The following CCDC102B variants were observed in gnomAD, a reference collection of about 807,000 sequenced individuals.
CCDC102B encodes coiled-coil domain-containing protein 102B.
CCDC102B carries 75 observed loss-of-function variants against 57.4 expected under a neutral mutation model. The ratio of observed to expected loss-of-function variants is 1.31; its 90% CI spans 1.08 to 1.58. The LOEUF is 1.58. Ranked by LOEUF, CCDC102B falls within the 40% of genes most tolerant of loss-of-function variation. The pLI, the probability that CCDC102B is intolerant of heterozygous loss-of-function variation, is 0.00. For missense variants in CCDC102B, 636 were observed against 582.6 expected (o/e 1.09, Z -0.94); for synonymous variants, 206 against 201.9 (o/e 1.02, Z -0.17).
intron 2 of CCDC102B, among the ~76,000 whole-genome samples, chr18:68,750,604 G>A (rs566379726): frequency 6.6e-6 from 1 of 152,068 alleles, no homozygotes; most frequent in South Asian, 2.1e-4. Flanking sequence ...ATACATCATG[G>A]AATACCATGC....
In CCDC102B at chr18:68,799,604, T is replaced by C. The variant is rs140861877; in HGVS notation, c.-16+1423T>C. Among the ~76,000 whole-genome samples the C allele has an allele frequency of 2.4e-3, 360 of 152,260 alleles. 1 individual carries two copies. The highest frequency in any genetic ancestry group is 7.0e-3 in the African/African-American group (291 of 41,554). ...CCATAATGCCAAAATATTCAGAAAT[T>C]CCCTTTTTAGCAGGTATGTGAGTCC... is the stretch of plus-strand genomic sequence containing the variant. On this transcript the variant is annotated intron_variant, in intron 1 of 7. Coordinates refer to ENST00000360242, the MANE Select transcript of CCDC102B (RefSeq NM_024781.3).
chr18:69,010,923 T>A lies in CCDC102B; in HGVS notation c.1264-11T>A, dbSNP rs765068533. The A allele has an allele frequency of 6.4e-7, 1 of 1,556,766 alleles. No homozygotes were observed. Among genetic ancestry groups the A allele is most frequent in the Admixed American group, 1.9e-5 (1 of 52,324 alleles). On this transcript the variant is annotated splice_polypyrimidine_tract_variant and intron_variant, in intron 6 of 7. Transcript: ENST00000360242. ...ACTATAAATAATGTAATTTTTGTTT[T>A]CCTTTGAAAGGAATTACTGAACCTT...
chr18:68,839,567 G>A (rs746012722), intron 3 of CCDC102B, among the ~76,000 whole-genome samples: 18 of 152,138 alleles, frequency 1.2e-4, no homozygotes, highest in African/African-American at 3.9e-4. Flanking sequence ...CAAGAATCGC[G>A]AGCATGGCTT....
chr18:68,879,064 G>C (rs989777723), intron 5 of CCDC102B, among the ~76,000 whole-genome samples: 14 of 152,148 alleles, frequency 9.2e-5, no homozygotes, highest in East Asian at 7.8e-4. Context: ...GACCTTCGCG[G>C]TGAGTGTTAC....
chr18:68,780,470 G>GT (rs35742450), intron 2 of CCDC102B, among the ~76,000 whole-genome samples: 7,863 of 139,792 alleles, frequency 0.056, 260 homozygotes, highest in Non-Finnish European at 0.075. Flanking sequence ...ATCAACACTT[G>GT]TTTTTTTTTT....
At chr18:68,922,667 T>G (rs2041323404) in intron 6 of CCDC102B, among the ~76,000 whole-genome samples, 1 of 152,056 alleles carries the variant, frequency 6.6e-6, no homozygotes, top group Admixed American at 6.6e-5. Context: ...AAGCCTCAGG[T>G]GTTCCCTCTT....
At chr18:68,800,709 C>T (rs1001431662) in intron 1 of CCDC102B, among the ~76,000 whole-genome samples, 1 of 151,930 alleles carries the variant, frequency 6.6e-6, no homozygotes, top group South Asian at 2.1e-4. Flanking sequence ...GAACACTCAG[C>T]GACCAAATAC....
At chr18:68,801,925 A>G (rs889364067) in intron 1 of CCDC102B, among the ~76,000 whole-genome samples, 23 of 152,140 alleles carry the variant, frequency 1.5e-4, no homozygotes, top group African/African-American at 5.3e-4. Flanking sequence ...TAGTCAGCCT[A>G]TATTCATGAA....
intron 2 of CCDC102B, among the ~76,000 whole-genome samples, chr18:68,775,682 T>C (rs1316186365): frequency 7.9e-6 from 1 of 126,760 alleles, no homozygotes; most frequent in African/African-American, 3.2e-5. Context: ...TTTTAAGGAG[T>C]CTTGCTCTGT....
chr18:68,983,586 C>G (rs1280002560), intron 6 of CCDC102B, among the ~76,000 whole-genome samples: 3 of 151,678 alleles, frequency 2.0e-5, no homozygotes, highest in African/African-American at 7.3e-5. Context: ...AGTAACAATC[C>G]CCTATGTTCA....
At chr18:68,949,856 G>A (rs2145193136) in intron 6 of CCDC102B, among the ~76,000 whole-genome samples, 1 of 152,184 alleles carries the variant, frequency 6.6e-6, no homozygotes, top group South Asian at 2.1e-4. Flanking sequence ...TTATGAAATT[G>A]TGGCTAATAA....
At position 68,991,123 on chromosome 18, in the gene CCDC102B, C is replaced by CTTTTTT. The variant is rs11368924; in HGVS notation, c.1264-19801_1264-19796dup. ...GTTGTCACCTATATTGGCCCTTCTGCTTTTTTTTTTTTTTTCTTAAATAAA... is the reference window on the plus strand; with the variant it reads ...GTTGTCACCTATATTGGCCCTTCTGCTTTTTTTTTTTTTTTTTTTTTCTTAAATAAA... On this transcript the variant is annotated intron_variant, in intron 6 of 7. Coordinates refer to ENST00000360242, the MANE Select transcript of CCDC102B (RefSeq NM_024781.3). Among the ~76,000 whole-genome samples, 6 of 136,266 alleles carry CTTTTTT rather than the reference C, an allele frequency of 4.4e-5. 1 individual carries two copies. The highest frequency in any genetic ancestry group is 1.5e-4 in the Admixed American group (2 of 13,306). 89.4% of individuals were successfully genotyped at this position (136,266 alleles called of 152,430 possible).
chr18:68,912,124 T>C (rs1015416660), intron 6 of CCDC102B, among the ~76,000 whole-genome samples: 2 of 152,154 alleles, frequency 1.3e-5, no homozygotes, highest in Non-Finnish European at 2.9e-5. Context: ...ATCTGGCTAC[T>C]TGATGAAGGT....
At chr18:68,889,630 A>G (rs1051090226) in intron 5 of CCDC102B, among the ~76,000 whole-genome samples, 1 of 151,970 alleles carries the variant, frequency 6.6e-6, no homozygotes, top group Non-Finnish European at 1.5e-5. Context: ...AGTAGAGATC[A>G]GTTTCTCCAT....
At chr18:68,752,091 C>G (rs756925057) in intron 2 of CCDC102B, among the ~76,000 whole-genome samples, 2 of 152,020 alleles carry the variant, frequency 1.3e-5, no homozygotes, top group Non-Finnish European at 2.9e-5. Context: ...GAAACCCCAT[C>G]TCTACTAAAA....
At chr18:68,787,782 C>T (rs1001674162) in intron 2 of CCDC102B, among the ~76,000 whole-genome samples, 7 of 151,792 alleles carry the variant, frequency 4.6e-5, no homozygotes, top group African/African-American at 1.2e-4. Context: ...AAAACCAGCT[C>T]CTGGATTCAT....
At chr18:68,922,447 G>A (rs573537870) in intron 6 of CCDC102B, among the ~76,000 whole-genome samples, 65 of 152,258 alleles carry the variant, frequency 4.3e-4, no homozygotes, top group African/African-American at 1.5e-3. Flanking sequence ...AGATTCAATA[G>A]CCATGCATAC....
chr18:68,814,979 A>ATT (rs1454107890), intron 1 of CCDC102B, among the ~76,000 whole-genome samples: 3 of 152,134 alleles, frequency 2.0e-5, no homozygotes, highest in Admixed American at 2.0e-4. Flanking sequence ...AGTAAAAATT[A>ATT]TTTTCAACAG....
At chr18:68,847,553 G>T (rs2037928902) in intron 4 of CCDC102B, among the ~76,000 whole-genome samples, 2 of 151,808 alleles carry the variant, frequency 1.3e-5, no homozygotes, top group Non-Finnish European at 2.9e-5. Context: ...TCAAGTTTTT[G>T]AGTTGGTTTA....
Sources: allele counts gnomAD v4.1 joint callset (sites outside exome capture counted in the v4.1 genomes callset), GRCh38; gene constraint gnomAD v4.1.1; transcripts MANE v1.5; gene names NCBI Gene and HGNC (gene_info 2026-07-23, HGNC 2026-07-21).